Variants in MATCAP1 observed in about 807,000 individuals in gnomAD.
The protein encoded by MATCAP1 is microtubule-associated tyrosine carboxypeptidase 1.
chr16:67,176,764 ATCTGGAGCT>A, the MATCAP1 span: 43 of 1,487,660 alleles, frequency 2.9e-5, no homozygotes, highest in African/African-American at 3.4e-4. The surrounding 1 kb of genome is among the most constrained non-coding windows in gnomAD (Gnocchi z 4.3). Flanking sequence ...CTAGGGGCCT[ATCTGGAGCT>A]TCTGTCCAGG....
the MATCAP1 span, among the ~76,000 whole-genome samples, chr16:67,177,465 T>C: frequency 6.6e-6 from 1 of 152,202 alleles, no homozygotes; most frequent in Non-Finnish European, 1.5e-5. Context: ...TCCCTTCATC[T>C]CCAACCCAGC....
chr16:67,178,210 G>A, the MATCAP1 span: 1 of 1,540,128 alleles, frequency 6.5e-7, no homozygotes, highest in Non-Finnish European at 8.8e-7. Context: ...TGGCAGCGAG[G>A]TGTCGGTCTG....
chr16:67,176,785 C>T, the MATCAP1 span: 5 of 1,538,376 alleles, frequency 3.3e-6, no homozygotes, highest in Non-Finnish European at 3.5e-6. This position sits in a 1 kb window ranked among gnomAD's most constrained non-coding sequence, Gnocchi z 4.3. Flanking sequence ...CTGTCCAGGG[C>T]CTCTGACTGC....
At chr16:67,180,538 G>T in the MATCAP1 span, 3 of 1,545,096 alleles carry the variant, frequency 1.9e-6, no homozygotes, top group Non-Finnish European at 2.6e-6. Flanking sequence ...AGCCTATGGC[G>T]CAGGGATGGG....
the MATCAP1 span, chr16:67,180,169 T>C: frequency 6.2e-7 from 1 of 1,614,246 alleles, no homozygotes; most frequent in Non-Finnish European, 8.5e-7. Flanking sequence ...TCACGGTCCA[T>C]GTTGGTTGGC....
chr16:67,182,271 A>G, the MATCAP1 span, among the ~76,000 whole-genome samples: 1 of 151,504 alleles, frequency 6.6e-6, no homozygotes, highest in African/African-American at 2.4e-5. Flanking sequence ...AAAAAAAAAA[A>G]GTCACTGCCT....
At chr16:67,180,074 C>T in the MATCAP1 span, 2 of 1,614,212 alleles carry the variant, frequency 1.2e-6, no homozygotes, top group Non-Finnish European at 1.7e-6. Context: ...CCTCGCAGTA[C>T]TTTTCCAGCA....
At chr16:67,178,155 GC>G in the MATCAP1 span, 3 of 491,800 alleles carry the variant, frequency 6.1e-6, no homozygotes, top group Non-Finnish European at 9.8e-6. Flanking sequence ...CCGAAGCCCC[GC>G]CCCCACCCCG....
chr16:67,179,585 C>T, the MATCAP1 span: 2 of 1,599,738 alleles, frequency 1.3e-6, no homozygotes, highest in Non-Finnish European at 1.7e-6. The surrounding 1 kb of genome is among the most constrained non-coding windows in gnomAD (Gnocchi z 5.2). Flanking sequence ...GTGCTCTGAG[C>T]CATGGCCACC....
the MATCAP1 span, chr16:67,176,460 C>T: frequency 1.0e-5 from 2 of 192,006 alleles, no homozygotes; most frequent in Non-Finnish European, 2.1e-5. The surrounding 1 kb of genome is among the most constrained non-coding windows in gnomAD (Gnocchi z 4.3). Flanking sequence ...AGTACTGGGA[C>T]AACCAAAGCC....
chr16:67,177,163 AGTT>A, the MATCAP1 span, among the ~76,000 whole-genome samples: 2 of 152,048 alleles, frequency 1.3e-5, no homozygotes, highest in African/African-American at 4.8e-5. Flanking sequence ...TTCTCTCAAC[AGTT>A]TCTTTTTGTC....
At chr16:67,176,451 G>A in the MATCAP1 span, 1 of 182,950 alleles carries the variant, frequency 5.5e-6, no homozygotes, top group Non-Finnish European at 1.1e-5. The surrounding 1 kb of genome is among the most constrained non-coding windows in gnomAD (Gnocchi z 4.3). Context: ...AGAGACTGGA[G>A]TACTGGGACA....
At chr16:67,179,578 C>T in the MATCAP1 span, 2,682 of 1,607,120 alleles carry the variant, frequency 1.7e-3, 5 homozygotes, top group Non-Finnish European at 2.1e-3. The surrounding 1 kb of genome is among the most constrained non-coding windows in gnomAD (Gnocchi z 5.2). Flanking sequence ...GGTGGCAGTG[C>T]TCTGAGCCAT....
chr16:67,177,237 A>T, the MATCAP1 span, among the ~76,000 whole-genome samples: 3 of 151,990 alleles, frequency 2.0e-5, no homozygotes, highest in Non-Finnish European at 2.9e-5. Context: ...TCACCTCCAA[A>T]CATGGGCATC....
chr16:67,179,341 G>A, the MATCAP1 span: 2 of 1,516,832 alleles, frequency 1.3e-6, no homozygotes, highest in East Asian at 2.3e-5. This position sits in a 1 kb window ranked among gnomAD's most constrained non-coding sequence, Gnocchi z 5.2. Context: ...AAACAAAAAG[G>A]GGAGTTATTG....
At chr16:67,176,921 G>A in the MATCAP1 span, 49 of 1,608,026 alleles carry the variant, frequency 3.0e-5, no homozygotes, top group East Asian at 4.7e-4. The surrounding 1 kb of genome is among the most constrained non-coding windows in gnomAD (Gnocchi z 4.3). Flanking sequence ...TGGGGCACCC[G>A]GGTATTATCC....
At chr16:67,178,161 AC>A in the MATCAP1 span, 2 of 519,618 alleles carry the variant, frequency 3.8e-6, no homozygotes, top group Admixed American at 1.0e-4. Flanking sequence ...CCCCGCCCCC[AC>A]CCCGGCTCTA....
chr16:67,180,129 G>A, the MATCAP1 span: 3 of 1,614,224 alleles, frequency 1.9e-6, no homozygotes, highest in South Asian at 2.2e-5. Flanking sequence ...TGGATTGTAG[G>A]TGTAATGGGA....
At chr16:67,178,638 C>T in the MATCAP1 span, 1 of 830,826 alleles carries the variant, frequency 1.2e-6, no homozygotes, top group South Asian at 1.4e-5. Flanking sequence ...TGAACTCAGG[C>T]TCGCACACAG....
Sources: gnomAD v4.1 joint callset for allele counts (sites outside exome capture counted in the v4.1 genomes callset) on GRCh38, gnomAD v4.1.1 for gene constraint, Gnocchi (gnomAD v3.1) non-coding constraint, MANE v1.5 for transcripts, NCBI Gene and HGNC (gene_info 2026-07-23, HGNC 2026-07-21) for gene names.